Variants in PRDM2 observed in about 807,000 individuals in gnomAD.
PRDM2 encodes the protein PR/SET domain 2.
Under a neutral mutation model 130.0 loss-of-function variants are expected in PRDM2, and 30 were observed. The observed-to-expected ratio is 0.23, with a 90% CI of 0.17 to 0.31. The LOEUF (loss-of-function observed/expected upper bound fraction) is 0.31. Ranked by LOEUF, PRDM2 falls within the 10% of genes least tolerant of loss-of-function variation. The probability of loss-of-function intolerance (pLI) is 1.00; values close to 1 mark genes in which losing one functional copy is unlikely to be tolerated. For missense variants in PRDM2, 2,011 were observed against 2,108.4 expected (o/e 0.95, Z 0.90); for synonymous variants, 871 against 782.4 (o/e 1.11, Z -1.89).
chr1:13,741,712 C>CT (rs1175944181), intron 4 of PRDM2, among the ~76,000 whole-genome samples: 3 of 96,712 alleles, frequency 3.1e-5, no homozygotes, highest in African/African-American at 1.5e-4. Context: ...GACTATAGCT[C>CT]TTTAAGTTTG....
At chr1:13,817,394 A>G (rs992538540) in intron 9 of PRDM2, among the ~76,000 whole-genome samples, 1 of 152,110 alleles carries the variant, frequency 6.6e-6, no homozygotes, top group African/African-American at 2.4e-5. Flanking sequence ...GATGGTAAAA[A>G]CCTGGAATTA....
chr1:13,749,234 T>A, intron 5 of PRDM2, 127 bp from the exon 6 acceptor site: 1 of 910,438 alleles, frequency 1.1e-6, no homozygotes, highest in Non-Finnish European at 1.4e-6. Flanking sequence ...GCCGGCCGGG[T>A]GCGCGCGGCG....
chr1:13,787,797 T>TA, intron 8 of PRDM2: 1 of 980,764 alleles, frequency 1.0e-6, no homozygotes, highest in Non-Finnish European at 1.2e-6. Flanking sequence ...GAGAGTGCTA[T>TA]AAAAGACTAT....
Position 13,779,956 on chromosome 1 carries a change from G to T in PRDM2, c.2161G>T (p.Ala721Ser). ...TAAATTAGGTCCTGTTTGTGTGTCT[G>T]CTCCTGCATCAATGTTGCCTGTGAC... ...IAKLGPVCVS[A>S]PASMLPVTSS... Residue 721 changes from alanine (A) to serine (S), a missense_variant, in exon 8 of 10, where the codon GCT becomes TCT. Physicochemically the swap from Ala to Ser is moderately conservative, Grantham distance 99. Around this residue, in one of 5 missense-constraint regions of PRDM2, gnomAD observed 1,288 missense variants for 1,237.7 expected, o/e 1.04. Transcript: ENST00000311066. The surrounding 1 kb of genome is among the most constrained non-coding windows in gnomAD (Gnocchi z 4.9). The T allele has an allele frequency of 6.2e-7, 1 of 1,614,214 alleles. No individual in the cohort carries two copies. The highest frequency in any genetic ancestry group is 1.1e-5 in the South Asian group (1 of 91,084).
intron 4 of PRDM2, among the ~76,000 whole-genome samples, chr1:13,737,307 A>G (rs1643302226): frequency 6.6e-6 from 1 of 152,242 alleles, no homozygotes; most frequent in East Asian, 1.9e-4. Flanking sequence ...TGCAAATTAT[A>G]TGAAATTCGA....
At chr1:13,731,140 A>T (rs760821823) in intron 3 of PRDM2, 23 bp downstream of exon 3, 41 of 1,594,312 alleles carry the variant, frequency 2.6e-5, no homozygotes, top group South Asian at 2.2e-4. Flanking sequence ...CCTGTCACGG[A>T]GCAAGTCAGG....
chr1:13,760,221 C>T (rs935074116), intron 6 of PRDM2, among the ~76,000 whole-genome samples: 1 of 152,078 alleles, frequency 6.6e-6, no homozygotes, highest in Non-Finnish European at 1.5e-5. Flanking sequence ...AAGACAGGAT[C>T]CTATAAATCT....
intron 2 of PRDM2, 95 bp downstream of exon 2, chr1:13,715,709 C>T (rs1255731817): frequency 8.8e-7 from 1 of 1,140,540 alleles, no homozygotes; most frequent in African/African-American, 1.6e-5. Flanking sequence ...ATTCATTTCT[C>T]CTGGATTCTC....
intron 9 of PRDM2, among the ~76,000 whole-genome samples, chr1:13,821,014 T>TC (rs981086729): frequency 1.6e-4 from 23 of 144,386 alleles, no homozygotes; most frequent in African/African-American, 4.5e-4. Context: ...GACATCCCAC[T>TC]CCCCCGCAAA....
intron 4 of PRDM2, among the ~76,000 whole-genome samples, chr1:13,736,948 T>G (rs1028059925): frequency 3.3e-5 from 5 of 152,242 alleles, no homozygotes; most frequent in African/African-American, 4.8e-5. Flanking sequence ...CTCTGTATAA[T>G]GAGAAGACTT....
chr1:13,740,400 C>T (rs1448197018), intron 4 of PRDM2, among the ~76,000 whole-genome samples: 1 of 152,168 alleles, frequency 6.6e-6, no homozygotes, highest in Non-Finnish European at 1.5e-5. Flanking sequence ...TCCCTGAGCC[C>T]AGGGGCAGTT....
intron 5 of PRDM2, among the ~76,000 whole-genome samples, chr1:13,745,369 C>T (rs774466743): frequency 3.3e-5 from 5 of 151,410 alleles, no homozygotes; most frequent in Non-Finnish European, 5.9e-5. Context: ...GCTGGAAGAA[C>T]AGTCCAGGAA....
intron 1 of PRDM2, 97 bp from the exon 2 acceptor site, chr1:13,715,444 T>G: frequency 2.1e-6 from 1 of 467,030 alleles, no homozygotes; most frequent in Non-Finnish European, 3.8e-6. Context: ...GCTTTATAAA[T>G]AGCCCTTTCA....
chr1:13,787,873 A>G (rs1236571508), intron 8 of PRDM2: 12 of 984,222 alleles, frequency 1.2e-5, no homozygotes, highest in African/African-American at 5.2e-5. Context: ...ATTTTAACCA[A>G]TGTAGCACTG....
At chr1:13,762,306 T>C (rs910761321) in intron 6 of PRDM2, among the ~76,000 whole-genome samples, 1 of 152,278 alleles carries the variant, frequency 6.6e-6, no homozygotes. Flanking sequence ...ATTTCACTTT[T>C]ATGGGTATCT....
intron 1 of PRDM2, among the ~76,000 whole-genome samples, chr1:13,707,957 C>G (rs2100389007): frequency 6.6e-6 from 1 of 151,246 alleles, no homozygotes; most frequent in East Asian, 1.9e-4. Context: ...GAACCCTAAA[C>G]AAAGCTTGAG....
At chr1:13,744,582 A>G (rs927006097) in intron 5 of PRDM2, among the ~76,000 whole-genome samples, 5 of 152,142 alleles carry the variant, frequency 3.3e-5, no homozygotes, top group African/African-American at 9.7e-5. Context: ...TTTCTCATCC[A>G]TAAAGTGGAG....
chr1:13,805,531 C>T (rs905723875), intron 8 of PRDM2, among the ~76,000 whole-genome samples: 7 of 152,044 alleles, frequency 4.6e-5, no homozygotes, highest in African/African-American at 1.7e-4. Context: ...ATGGCTCCCA[C>T]AGCTCCCACC....
intron 8 of PRDM2, among the ~76,000 whole-genome samples, chr1:13,799,090 G>C (rs1644966982): frequency 6.6e-6 from 1 of 152,132 alleles, no homozygotes; most frequent in South Asian, 2.1e-4. Flanking sequence ...AGAGGTCTCC[G>C]CCACTTACTT....
Sources: gnomAD v4.1 joint callset for allele counts (sites outside exome capture counted in the v4.1 genomes callset) on GRCh38, gnomAD v4.1.1 for gene constraint, gnomAD v4.1.1 regional missense constraint, Gnocchi (gnomAD v3.1) non-coding constraint, MANE v1.5 for transcripts, NCBI Gene and HGNC (gene_info 2026-07-23, HGNC 2026-07-21) for gene names.